Variants in LAMA2 observed in about 807,000 individuals in gnomAD.
LAMA2 encodes the protein laminin subunit alpha-2.
A neutral mutation model predicts 364.8 loss-of-function variants in LAMA2; 269 were observed. The ratio of observed to expected loss-of-function variants is 0.74; its 90% CI spans 0.67 to 0.82. The LOEUF is 0.82. Ranked by LOEUF, LAMA2 falls within the 40% of genes least tolerant of loss-of-function variation. The pLI is 0.00. For missense variants in LAMA2, 3,807 were observed against 3,873.2 expected, an observed-to-expected ratio of 0.98 and a Z score of 0.45; for synonymous variants, 1,379 against 1,370.6, an observed-to-expected ratio of 1.01 and a Z score of -0.14.
chr6:128,944,433 A>T (rs1780367867), intron 1 of LAMA2, among the ~76,000 whole-genome samples: 1 of 152,174 alleles, frequency 6.6e-6, no homozygotes, highest in African/African-American at 2.4e-5. Flanking sequence ...ATATAGAAAA[A>T]CAATTACTTT....
chr6:129,318,515 A>C (rs560278454), intron 27 of LAMA2, among the ~76,000 whole-genome samples: 5 of 152,316 alleles, frequency 3.3e-5, no homozygotes, highest in Admixed American at 6.5e-5. Flanking sequence ...ATTCATGTGC[A>C]AGAGAAAGGA....
At chr6:129,170,627 A>G (rs1780076224) in intron 9 of LAMA2, among the ~76,000 whole-genome samples, 1 of 150,688 alleles carries the variant, frequency 6.6e-6, no homozygotes, top group African/African-American at 2.5e-5. Flanking sequence ...TGCTGAAAAA[A>G]ATGTATATTC....
intron 1 of LAMA2, among the ~76,000 whole-genome samples, chr6:129,038,220 G>A (rs1255450109): frequency 6.6e-6 from 1 of 152,180 alleles, no homozygotes; most frequent in African/African-American, 2.4e-5. Context: ...TGTGAGTAGT[G>A]TCACTACCAT....
At chr6:129,087,894 TTTTA>T (rs1275293457) in intron 3 of LAMA2, among the ~76,000 whole-genome samples, 1 of 150,822 alleles carries the variant, frequency 6.6e-6, no homozygotes, top group Non-Finnish European at 1.5e-5. Context: ...TTTAATTTAA[TTTTA>T]TTTATTTATT....
At chr6:129,322,490 TACTTTTA>T (rs1201901634) in intron 28 of LAMA2, among the ~76,000 whole-genome samples, 2 of 152,222 alleles carry the variant, frequency 1.3e-5, no homozygotes, top group Non-Finnish European at 2.9e-5. Context: ...CGTTTGGTTT[TACTTTTA>T]ACTGTGTGCA....
At chr6:129,484,213 G>A (rs921463712) in intron 55 of LAMA2, among the ~76,000 whole-genome samples, 3 of 152,178 alleles carry the variant, frequency 2.0e-5, no homozygotes, top group African/African-American at 7.2e-5. Context: ...AAGGGGAAAA[G>A]CTCACTGCAG....
At chr6:129,475,451 A>C in intron 53 of LAMA2, 50 bp downstream of exon 53, 2 of 1,460,282 alleles carry the variant, frequency 1.4e-6, no homozygotes, top group Non-Finnish European at 1.9e-6. Context: ...GGTTGGGTAA[A>C]TGTGGCTTCT....
chr6:129,134,206 C>A (rs1432203069), intron 4 of LAMA2, among the ~76,000 whole-genome samples: 2 of 152,184 alleles, frequency 1.3e-5, no homozygotes, highest in African/African-American at 4.8e-5. Context: ...TCTATCGGAA[C>A]TTTCTCTAGC....
At chr6:129,387,051 G>GAA (rs1029054536) in intron 35 of LAMA2, among the ~76,000 whole-genome samples, 5 of 142,926 alleles carry the variant, frequency 3.5e-5, no homozygotes, top group African/African-American at 1.0e-4. Flanking sequence ...TATCCAACTG[G>GAA]AAAAAAAAAA....
intron 1 of LAMA2, among the ~76,000 whole-genome samples, chr6:129,017,825 G>A (rs11154455): frequency 0.09 from 13,680 of 151,826 alleles, 697 homozygotes; most frequent in East Asian, 0.15. Context: ...AGTAGAACAC[G>A]GTCTTTTGAT....
intron 3 of LAMA2, among the ~76,000 whole-genome samples, chr6:129,081,947 A>G (rs1028645409): frequency 6.6e-6 from 1 of 152,188 alleles, no homozygotes; most frequent in South Asian, 2.1e-4. Flanking sequence ...AAAACCATTT[A>G]TCAGAAACTT....
At chr6:129,007,513 A>G (rs745446740) in intron 1 of LAMA2, among the ~76,000 whole-genome samples, 1 of 152,202 alleles carries the variant, frequency 6.6e-6, no homozygotes, top group Non-Finnish European at 1.5e-5. Context: ...ACTGAAGTCT[A>G]TTTAAAATAT....
At chr6:128,933,230 C>CTCTGTG (rs778681321) in intron 1 of LAMA2, among the ~76,000 whole-genome samples, 1 of 146,188 alleles carries the variant, frequency 6.8e-6, no homozygotes, top group African/African-American at 2.5e-5. Context: ...CCCTCTCTTT[C>CTCTGTG]TGTGTGTGTG....
At chr6:129,280,867 G>A (rs1012872383) in intron 18 of LAMA2, among the ~76,000 whole-genome samples, 1 of 152,084 alleles carries the variant, frequency 6.6e-6, no homozygotes, top group East Asian at 1.9e-4. Flanking sequence ...AGTCCCTGCT[G>A]CCACCCTTCC....
At chr6:129,376,741 C>T (rs189921023) in intron 34 of LAMA2, among the ~76,000 whole-genome samples, 74 of 152,288 alleles carry the variant, frequency 4.9e-4, no homozygotes, top group Non-Finnish European at 9.3e-4. Context: ...AATCTCAGCT[C>T]GTGAAAGCCC....
At chr6:129,319,229 G>C (rs3798660) in intron 27 of LAMA2, among the ~76,000 whole-genome samples, 13,941 of 152,058 alleles carry the variant, frequency 0.092, 958 homozygotes, top group African/African-American at 0.19. Context: ...AAGAAATTTG[G>C]GATAGTAGTA....
chr6:129,007,093 C>T (rs750579578), intron 1 of LAMA2, among the ~76,000 whole-genome samples: 1 of 152,128 alleles, frequency 6.6e-6, no homozygotes, highest in Admixed American at 6.6e-5. Context: ...TGTTCCCCAT[C>T]GTGGCTCCTG....
chr6:129,313,796 T>A (rs1229241951), intron 23 of LAMA2, among the ~76,000 whole-genome samples: 1 of 152,156 alleles, frequency 6.6e-6, no homozygotes, highest in African/African-American at 2.4e-5. Context: ...AAAATCTGGG[T>A]AGTGGTTGTT....
intron 20 of LAMA2, among the ~76,000 whole-genome samples, chr6:129,294,193 G>GATATACCCACTT (rs1789922351): frequency 6.6e-6 from 1 of 152,150 alleles, no homozygotes; most frequent in African/African-American, 2.4e-5. Flanking sequence ...CCAAGCCAAT[G>GATATACCCACTT]GGATATACCC....
Sources: gnomAD v4.1 joint callset for allele counts (sites outside exome capture counted in the v4.1 genomes callset) on GRCh38, gnomAD v4.1.1 for gene constraint, MANE v1.5 for transcripts, NCBI Gene and HGNC (gene_info 2026-07-23, HGNC 2026-07-21) for gene names.